The following CD200R1L variants were observed in gnomAD, a reference collection of about 807,000 sequenced individuals.
The protein encoded by CD200R1L is CD200 receptor 1 like.
Under a neutral mutation model 24.8 loss-of-function variants are expected in CD200R1L, and 14 were observed. The observed-to-expected ratio is 0.56, with a 90% CI of 0.37 to 0.88. The LOEUF (loss-of-function observed/expected upper bound fraction) is 0.88. CD200R1L is among the 40% of genes least tolerant of loss of function. The pLI, the probability that CD200R1L is intolerant of heterozygous loss-of-function variation, is 0.00. For missense variants in CD200R1L, 299 were observed against 297.8 expected, an observed-to-expected ratio of 1.00 and a Z score of -0.03; for synonymous variants, 111 against 109.2, an observed-to-expected ratio of 1.02 and a Z score of -0.11.
chr3:112,846,242 T>C (rs1400754639), intron 1 of CD200R1L, among the ~76,000 whole-genome samples: 1 of 152,238 alleles, frequency 6.6e-6, no homozygotes, highest in Non-Finnish European at 1.5e-5. Context: ...TCCAGAGAAG[T>C]TGAGTAAACA....
rs572359154 is a variant in CD200R1L, at chr3:112,822,787, T to C, written c.617-2892A>G. On this transcript the variant is annotated intron_variant, in intron 6 of 7. Coordinates refer to ENST00000488794, the MANE Select transcript of CD200R1L (RefSeq NM_001199215.3). ...ATGTGATTATGAGACCTGAGTTATG[T>C]AAACAAGCAGCTATGACCTAGGCAG... Among the ~76,000 whole-genome samples the C allele has an allele frequency of 1.8e-4, 28 of 152,354 alleles. 1 individual carries two copies. The highest frequency in any genetic ancestry group is 1.6e-3 in the Admixed American group (25 of 15,312).
intron 7 of CD200R1L, among the ~76,000 whole-genome samples, chr3:112,817,260 A>G (rs886673477): frequency 2.6e-5 from 4 of 152,086 alleles, no homozygotes; most frequent in South Asian, 2.1e-4. Flanking sequence ...TTTTTTACTT[A>G]TGTTCAATTA....
chr3:112,832,991 T>C (rs1269018069), intron 3 of CD200R1L, among the ~76,000 whole-genome samples: 1 of 152,212 alleles, frequency 6.6e-6, no homozygotes, highest in African/African-American at 2.4e-5. Flanking sequence ...CCTTAGTTAA[T>C]CACATGCATT....
At chr3:112,816,972 C>A (rs1403684042) in intron 7 of CD200R1L, among the ~76,000 whole-genome samples, 1 of 152,164 alleles carries the variant, frequency 6.6e-6, no homozygotes, top group Non-Finnish European at 1.5e-5. Context: ...CCTCCCCAGC[C>A]ATGTGGAACT....
At chr3:112,833,403 G>A (rs1164139626) in intron 3 of CD200R1L, among the ~76,000 whole-genome samples, 5 of 152,120 alleles carry the variant, frequency 3.3e-5, no homozygotes, top group African/African-American at 4.8e-5. Flanking sequence ...GGGTTCTGGG[G>A]GTAAATCTAT....
intron 2 of CD200R1L, chr3:112,841,430 T>G (rs1203593928): frequency 3.5e-6 from 1 of 283,832 alleles, no homozygotes; most frequent in Admixed American, 4.0e-5. Flanking sequence ...GAGAATGAAC[T>G]AATACATGGT....
Position 112,844,650 on chromosome 3 carries a change from C to T in CD200R1L, c.-87+1029G>A, listed in dbSNP as rs537081020. On this transcript the variant is annotated intron_variant, in intron 2 of 7. Coordinates refer to ENST00000488794, the MANE Select transcript of CD200R1L (RefSeq NM_001199215.3). ...CACTTAGAAGAACTAGAAAAGGCCG[C>T]GCGTGGTGGCTCACGCCTGTAATCC... Among the ~76,000 whole-genome samples, 8 of 152,238 alleles carry T rather than the reference C, an allele frequency of 5.3e-5. No homozygotes were observed. The East Asian group carries it at 5.8e-4, about 11-fold the overall frequency.
At chr3:112,819,668 C>G (rs995275298) in intron 7 of CD200R1L, 104 bp downstream of exon 7, 81 of 1,274,746 alleles carry the variant, frequency 6.4e-5, no homozygotes, top group African/African-American at 4.3e-4. Flanking sequence ...TACAACATAC[C>G]AAAAAAGTGT....
At chr3:112,841,163 G>A (rs192640871) in intron 2 of CD200R1L, 1 of 282,028 alleles carries the variant, frequency 3.5e-6, no homozygotes, top group African/African-American at 2.2e-5. Context: ...GGTTTCTAAT[G>A]GTTTAGCACC....
At chr3:112,833,969 G>T (rs1938871470) in intron 3 of CD200R1L, among the ~76,000 whole-genome samples, 1 of 152,304 alleles carries the variant, frequency 6.6e-6, no homozygotes, top group Admixed American at 6.5e-5. Flanking sequence ...TGGCTTGTTT[G>T]GTCAGAGACC....
chr3:112,840,303 G>A (rs1939048383), intron 2 of CD200R1L, among the ~76,000 whole-genome samples: 1 of 152,184 alleles, frequency 6.6e-6, no homozygotes. Flanking sequence ...GATGCATGGT[G>A]GCATCTGCTT....
In CD200R1L at chr3:112,827,437, G is replaced by A. The variant is rs752165719; in HGVS notation, c.297C>T (p.Asp99=). 13 of 1,614,006 alleles carry A rather than the reference G, an allele frequency of 8.1e-6. No individual in the cohort carries two copies. In the African/African-American group the frequency reaches 9.3e-5, roughly 12 times the overall value. The change falls in exon 5 of 8, where the codon GAC becomes GAT. Residue 99 remains aspartate (D), a synonymous_variant. Coordinates refer to ENST00000488794, the MANE Select transcript of CD200R1L (RefSeq NM_001199215.3). ...LQIRPVDTTH[D]GYYRGIVVTP... ...TTACCACTATGCCTCTGTAATACCCGTCATGAGTGGTGTCCACCGGACGAA... is the reference window on the plus strand; with the variant it reads ...TTACCACTATGCCTCTGTAATACCCATCATGAGTGGTGTCCACCGGACGAA...
At position 112,827,153 on chromosome 3, in the gene CD200R1L, C is replaced by A. The variant is rs762535035; in HGVS notation, c.456G>T (p.Trp152Cys). Residue 152 changes from tryptophan to cysteine, a missense_variant, in exon 6 of 8, where the codon TGG (tryptophan) becomes TGT (cysteine). Transcript: ENST00000488794. ...TGGCAAGAATAGATCCCTCTGGGAT[C>A]CAGGAGATCTGGGCAGCTGGCTTCC... is the stretch of plus-strand genomic sequence containing the variant. ...VTGKPAAQIS[W>C]IPEGSILATK... 26 of 1,613,438 alleles carry A rather than the reference C, an allele frequency of 1.6e-5. No individual in the cohort carries two copies. In the South Asian group the frequency reaches 2.9e-4, roughly 18 times the overall value.
chr3:112,821,447 T>C (rs1372981237), intron 6 of CD200R1L, among the ~76,000 whole-genome samples: 2 of 152,226 alleles, frequency 1.3e-5, no homozygotes, highest in Non-Finnish European at 2.9e-5. Context: ...AGATAAAACA[T>C]AAATTTCTCC....
intron 3 of CD200R1L, 26 bp downstream of exon 3, chr3:112,837,915 TG>T: frequency 9.8e-7 from 1 of 1,018,046 alleles, no homozygotes; most frequent in South Asian, 1.7e-5. Context: ...CCCATCAAAC[TG>T]GTTATTAAGT....
intron 3 of CD200R1L, among the ~76,000 whole-genome samples, chr3:112,834,609 T>C (rs1938888686): frequency 6.6e-6 from 1 of 152,220 alleles, no homozygotes; most frequent in African/African-American, 2.4e-5. Context: ...GCTGGAAACC[T>C]TTGTGGCCAA....
intron 6 of CD200R1L, 113 bp downstream of exon 6, chr3:112,826,880 A>G: frequency 9.8e-6 from 12 of 1,225,058 alleles, no homozygotes; most frequent in Non-Finnish European, 1.2e-5. Flanking sequence ...TTGAGAGAAT[A>G]TTTTCAAGCT....
At position 112,815,944 on chromosome 3, in the gene CD200R1L, GA is replaced by G; in HGVS notation, c.*18del. On this transcript the variant is annotated 3_prime_UTR_variant, in exon 8 of 8. Transcript: ENST00000488794. ...CCAGAGACAAGGAGGAGAAGCAAAA[GA>G]AGACCCTTCCTTCTTCTTTAAAGAA... 1.3e-6 allele frequency: 1 copy of G among 780,450 alleles called. No homozygotes were observed. 48.3% of individuals were successfully genotyped at this position (780,450 alleles called of 1,614,324 possible).
At chr3:112,844,162 T>A (rs764692247) in intron 2 of CD200R1L, among the ~76,000 whole-genome samples, 1 of 152,172 alleles carries the variant, frequency 6.6e-6, no homozygotes, top group Non-Finnish European at 1.5e-5. Context: ...AAGAAAGGAA[T>A]TCTGGTCTTA....
Sources: allele counts gnomAD v4.1 joint callset (sites outside exome capture counted in the v4.1 genomes callset), GRCh38; gene constraint gnomAD v4.1.1; transcripts MANE v1.5; gene names NCBI Gene and HGNC (gene_info 2026-07-23, HGNC 2026-07-21).